Variants in UST observed in about 807,000 individuals in gnomAD.
The protein encoded by UST is uronyl 2-sulfotransferase, also known as chondroitin sulfate 2-O-sulfotransferase.
In UST, 21 loss-of-function variants were observed where a neutral mutation model predicts 45.6. The observed-to-expected ratio is 0.46, with a 90% CI of 0.33 to 0.66. The LOEUF (loss-of-function observed/expected upper bound fraction) is 0.66, where lower values mean the gene tolerates loss of function less well. UST is among the 30% of genes least tolerant of loss of function. UST has a pLI of 0.02. For synonymous variants in UST, 215 were observed against 200.6 expected (o/e 1.07, Z -0.61); for missense variants, 463 against 512.4 (o/e 0.90, Z 0.93).
intron 5 of UST, among the ~76,000 whole-genome samples, chr6:148,996,112 G>A (rs1008891484): frequency 2.6e-5 from 4 of 152,192 alleles, no homozygotes; most frequent in Non-Finnish European, 4.4e-5. Flanking sequence ...TGCTGAGATC[G>A]CCATAGAGAA....
At chr6:148,835,618 T>C (rs1170313788) in intron 1 of UST, among the ~76,000 whole-genome samples, 1 of 152,346 alleles carries the variant, frequency 6.6e-6, no homozygotes, top group African/African-American at 2.4e-5. Context: ...ATCTGTCATT[T>C]GTCATGTTGC....
chr6:148,877,605 T>TGTGAG (rs1370410780), intron 1 of UST, among the ~76,000 whole-genome samples: 304 of 67,116 alleles, frequency 4.5e-3, no homozygotes, highest in Middle Eastern at 0.01. Context: ...CGTGTATGAG[T>TGTGAG]GGGTCGTGTA....
At chr6:149,010,815 C>T (rs1256005588) in intron 5 of UST, among the ~76,000 whole-genome samples, 2 of 142,404 alleles carry the variant, frequency 1.4e-5, no homozygotes, top group Non-Finnish European at 3.0e-5. Context: ...ATCGCTTAAT[C>T]TGGGAGGCAG....
chr6:148,900,788 G>C (rs1779238353), intron 2 of UST, among the ~76,000 whole-genome samples: 1 of 152,172 alleles, frequency 6.6e-6, no homozygotes, highest in Admixed American at 6.5e-5. Flanking sequence ...TCAGAAGTCT[G>C]AAATGGGTCT....
chr6:148,993,956 C>CTTTT (rs57552256), intron 5 of UST, among the ~76,000 whole-genome samples: 1,297 of 95,330 alleles, frequency 0.014, 149 homozygotes, highest in African/African-American at 0.044. Flanking sequence ...TATTTCTTTC[C>CTTTT]TTTTTTTTTT....
intron 1 of UST, among the ~76,000 whole-genome samples, chr6:148,852,317 G>T (rs1206300431): frequency 6.6e-6 from 1 of 152,180 alleles, no homozygotes; most frequent in Non-Finnish European, 1.5e-5. Context: ...AACATATGTT[G>T]CGTTTGGCTA....
At position 149,066,351 on chromosome 6, in the gene UST, A is replaced by C. The variant is rs535640862; in HGVS notation, c.938-7482A>C. ...TGATGGGGAGGAGAGAGAAAAGATG[A>C]AAGAGGGAGGGTGCATGAGACAAGG... On this transcript the variant is annotated intron_variant, in intron 7 of 7. Coordinates refer to ENST00000367463, the MANE Select transcript of UST (RefSeq NM_005715.3). 3.9e-5 allele frequency: 6 copies of C among 152,228 alleles called. No individual in the cohort carries two copies. In the East Asian group the frequency reaches 1.2e-3, roughly 29 times the overall value. 9.4% of individuals were successfully genotyped at this position (152,228 alleles called of 1,614,324 possible).
In UST at chr6:148,849,703, C is replaced by T. The variant is rs948552262; in HGVS notation, c.248-37283C>T. ...GAAGCACCTTATAAAACCATCAGAT[C>T]TTGTGAGAACTCACTCACTATCATG... is the stretch of plus-strand genomic sequence containing the variant. On this transcript the variant is annotated intron_variant, in intron 1 of 7. Transcript: ENST00000367463. 2.0e-5 allele frequency among the ~76,000 whole-genome samples: 3 copies of T among 152,234 alleles called. No homozygotes were observed. The South Asian group carries it at 6.2e-4, about 32-fold the overall frequency.
rs1165179256 is a variant in UST at position 149,049,923 on chromosome 6, T to TCA, written c.938-23909_938-23908insAC. ...AACTCACCTTGTCTCTCTCTCTCTC[T>TCA]CTCTCTCTCACACACACACACACAC... On this transcript the variant is annotated intron_variant, in intron 7 of 7. Coordinates refer to ENST00000367463, the MANE Select transcript of UST (RefSeq NM_005715.3). 2.6e-3 allele frequency among the ~76,000 whole-genome samples: 263 copies of TCA among 102,948 alleles called. 2 individuals carry two copies. The highest frequency in any genetic ancestry group is 8.4e-3 in the African/African-American group (245 of 29,106). 67.5% of individuals were successfully genotyped at this position (102,948 alleles called of 152,430 possible).
At chr6:148,819,275 AAAAC>A (rs1777412262) in intron 1 of UST, among the ~76,000 whole-genome samples, 1 of 152,258 alleles carries the variant, frequency 6.6e-6, no homozygotes, top group Non-Finnish European at 1.5e-5. Flanking sequence ...AAAAAAAACA[AAAAC>A]AAAACTTGTA....
chr6:148,749,522 G>A (rs577647143), intron 1 of UST, among the ~76,000 whole-genome samples: 1 of 152,020 alleles, frequency 6.6e-6, no homozygotes, highest in Admixed American at 6.5e-5. Flanking sequence ...CATAGGCCTG[G>A]TGTTTCATGG....
At chr6:148,972,906 A>G (rs954345281) in intron 5 of UST, among the ~76,000 whole-genome samples, 1 of 151,796 alleles carries the variant, frequency 6.6e-6, no homozygotes, top group Non-Finnish European at 1.5e-5. Context: ...TAAGCTTCAG[A>G]AGTGAGGCCA....
At chr6:148,759,847 CAAA>C (rs71554421) in intron 1 of UST, among the ~76,000 whole-genome samples, 361 of 59,172 alleles carry the variant, frequency 6.1e-3, no homozygotes, top group African/African-American at 0.027. Context: ...GACTCTGTCT[CAAA>C]AAAAAAAAAA....
rs941081682 is a variant in UST at position 149,017,250 on chromosome 6, A to G, written c.682-1889A>G. Among the ~76,000 whole-genome samples the G allele has an allele frequency of 4.6e-5, 7 of 151,920 alleles. 1 individual carries two copies. The highest frequency in any genetic ancestry group is 8.8e-5 in the Non-Finnish European group (6 of 67,960). On this transcript the variant is annotated intron_variant, in intron 5 of 7. Transcript: ENST00000367463. Reference sequence around the variant, plus strand: ...AAATTAGCCGGGTGTGGTGGCGGGCACCTGTAGTCCCAGCTACTCGGGAGG... The same window carrying G: ...AAATTAGCCGGGTGTGGTGGCGGGCGCCTGTAGTCCCAGCTACTCGGGAGG...
rs374662380 is a variant in UST at position 148,747,638 on chromosome 6, G to C, written c.208G>C (p.Gly70Arg). The C allele has an allele frequency of 3.0e-5, 48 of 1,599,582 alleles. No individual in the cohort carries two copies. The highest frequency in any genetic ancestry group is 3.7e-5 in the Non-Finnish European group (44 of 1,174,668). ...CTCCCTCCTCTATCAGCTCAGCGGG[G>C]GACCCCCTCGCTTCCTGCTCGACCT... Reference protein sequence around the residue: ...LGSLLYQLSGGPPRFLLDLRQ... With the variant: ...LGSLLYQLSGRPPRFLLDLRQ... The change falls in exon 1 of 8, where the codon GGA (glycine) becomes CGA (arginine). Residue 70 changes from glycine (G) to arginine (R), a missense_variant. Physicochemically the swap from Gly to Arg is moderately radical, Grantham distance 125 (BLOSUM62 -2). Transcript: ENST00000367463.
At chr6:148,960,383 C>T (rs1780628585) in intron 4 of UST, among the ~76,000 whole-genome samples, 1 of 152,224 alleles carries the variant, frequency 6.6e-6, no homozygotes, top group Non-Finnish European at 1.5e-5. Flanking sequence ...GCCTTTCTCT[C>T]ACTTCAAACT....
intron 1 of UST, among the ~76,000 whole-genome samples, chr6:148,833,164 T>C (rs757402577): frequency 2.0e-5 from 3 of 152,158 alleles, no homozygotes; most frequent in Non-Finnish European, 4.4e-5. Context: ...TCTGCAATGA[T>C]AGAAAAATAG....
At chr6:149,060,261 A>G (rs1338494314) in intron 7 of UST, among the ~76,000 whole-genome samples, 2 of 151,784 alleles carry the variant, frequency 1.3e-5, no homozygotes, top group Non-Finnish European at 1.5e-5. Flanking sequence ...TTTTCTGTTT[A>G]CTTTATCAAC....
At position 148,937,091 on chromosome 6, in the gene UST, C is replaced by T. The variant is rs182437600; in HGVS notation, c.292-4188C>T. On this transcript the variant is annotated intron_variant, in intron 2 of 7. Coordinates refer to ENST00000367463, the MANE Select transcript of UST (RefSeq NM_005715.3). Reference sequence around the variant, plus strand: ...TACACATTGATTTAGCTGCTTAATTCGGCAAGTTTCAATGCATTACATAGG... The same window carrying T: ...TACACATTGATTTAGCTGCTTAATTTGGCAAGTTTCAATGCATTACATAGG... Among the ~76,000 whole-genome samples the T allele has an allele frequency of 3.4e-4, 52 of 152,290 alleles. 1 individual carries two copies. Among genetic ancestry groups the T allele is most frequent in the East Asian group, 1.2e-3 (6 of 5,184 alleles).
Sources: gnomAD v4.1 joint callset for allele counts (sites outside exome capture counted in the v4.1 genomes callset) on GRCh38, gnomAD v4.1.1 for gene constraint, MANE v1.5 for transcripts, NCBI Gene and HGNC (gene_info 2026-07-23, HGNC 2026-07-21) for gene names.